Variants in TTLL5 observed in about 807,000 individuals in gnomAD.
The protein encoded by TTLL5 is tubulin polyglutamylase TTLL5.
A neutral mutation model predicts 168.4 loss-of-function variants in TTLL5; 132 were observed. The observed-to-expected ratio is 0.78, with a 90% CI of 0.68 to 0.91. The LOEUF is 0.91. TTLL5 is among the 40% of genes least tolerant of loss of function. The pLI is 0.00. For synonymous variants in TTLL5, 546 were observed against 558.6 expected, an observed-to-expected ratio of 0.98 and a Z score of 0.32; for missense variants, 1,545 against 1,581.5, an observed-to-expected ratio of 0.98 and a Z score of 0.39.
chr14:75,905,557 T>G (rs2033109054), intron 31 of TTLL5, among the ~76,000 whole-genome samples: 1 of 152,196 alleles, frequency 6.6e-6, no homozygotes, highest in African/African-American at 2.4e-5. Context: ...AGGCTTTATA[T>G]TAGTAGTTTG....
chr14:75,898,880 T>A (rs1355440610), intron 30 of TTLL5, among the ~76,000 whole-genome samples: 1 of 152,212 alleles, frequency 6.6e-6, no homozygotes, highest in Non-Finnish European at 1.5e-5. Context: ...AGGCTGCCAG[T>A]TAATTACCTT....
intron 12 of TTLL5, among the ~76,000 whole-genome samples, chr14:75,728,696 A>G (rs563684074): frequency 1.4e-5 from 2 of 144,664 alleles, no homozygotes; most frequent in South Asian, 4.4e-4. Flanking sequence ...CATCATCGTC[A>G]TATTAATTGT....
intron 9 of TTLL5, chr14:75,712,260 G>A (rs1887136166): frequency 6.6e-6 from 1 of 151,882 alleles, no homozygotes; most frequent in South Asian, 2.1e-4. Flanking sequence ...GCTGCCTGAG[G>A]TGCTGTCTCT....
chr14:75,733,955 T>C (rs1566831910), intron 13 of TTLL5, 34 bp from the exon 14 acceptor site: 1 of 1,609,402 alleles, frequency 6.2e-7, no homozygotes, highest in East Asian at 2.2e-5. Flanking sequence ...CCTACACACT[T>C]ATCAATTGCT....
chr14:75,760,825 CTT>C (rs1173949640), intron 18 of TTLL5, among the ~76,000 whole-genome samples: 1 of 152,034 alleles, frequency 6.6e-6, no homozygotes, highest in Non-Finnish European at 1.5e-5. Flanking sequence ...AACATAATAT[CTT>C]TGTGACTTTG....
intron 28 of TTLL5, among the ~76,000 whole-genome samples, chr14:75,862,173 C>A (rs1022170679): frequency 6.6e-6 from 1 of 152,184 alleles, no homozygotes; most frequent in Non-Finnish European, 1.5e-5. Flanking sequence ...ACATGTGCTG[C>A]AGCATATGTC....
At position 75,870,304 on chromosome 14, in the gene TTLL5, G is replaced by A. The variant is rs182433584; in HGVS notation, c.3522+6442G>A. On this transcript the variant is annotated intron_variant, in intron 29 of 31. Transcript: ENST00000298832. ...TCCTTTTTCTGGAGAACGGGGTCTC[G>A]CTATATTGCCCAGGCAGGTCTTGAA... Among the ~76,000 whole-genome samples, 10 of 139,028 alleles carry A rather than the reference G, an allele frequency of 7.2e-5. No individual in the cohort carries two copies. In the East Asian group the frequency reaches 1.7e-3, roughly 23 times the overall value. 91.2% of individuals were successfully genotyped at this position (139,028 alleles called of 152,430 possible).
intron 31 of TTLL5, among the ~76,000 whole-genome samples, chr14:75,937,471 T>C (rs1287964604): frequency 6.6e-6 from 1 of 152,046 alleles, no homozygotes; most frequent in Non-Finnish European, 1.5e-5. Flanking sequence ...CTCCAGAATT[T>C]TTTTCTTCTT....
chr14:75,682,161 G>T (rs1884664977), intron 4 of TTLL5, among the ~76,000 whole-genome samples: 1 of 148,676 alleles, frequency 6.7e-6, no homozygotes, highest in African/African-American at 2.5e-5. Context: ...CTGCACTCCA[G>T]CCTGGGTGAC....
chr14:75,673,826 C>T (rs531067949), intron 3 of TTLL5, among the ~76,000 whole-genome samples: 31 of 152,266 alleles, frequency 2.0e-4, no homozygotes, highest in Admixed American at 1.2e-3. Context: ...GTGTTCTAGT[C>T]ACCTCAGCAA....
At chr14:75,827,793 C>T (rs768128110) in intron 28 of TTLL5, among the ~76,000 whole-genome samples, 3 of 138,038 alleles carry the variant, frequency 2.2e-5, no homozygotes, top group Non-Finnish European at 4.6e-5. Flanking sequence ...GATCACAGCT[C>T]ACTGCAGCCT....
chr14:75,883,174 C>G (rs2031909686), intron 30 of TTLL5, among the ~76,000 whole-genome samples: 1 of 152,232 alleles, frequency 6.6e-6, no homozygotes, highest in Non-Finnish European at 1.5e-5. Flanking sequence ...ATTCAACATC[C>G]TGCTTCCCCT....
chr14:75,673,175 C>A (rs571655126), intron 3 of TTLL5, among the ~76,000 whole-genome samples: 183 of 152,168 alleles, frequency 1.2e-3, no homozygotes, highest in African/African-American at 4.3e-3. Context: ...TCTTGAACTC[C>A]TGGCCTCAAG....
chr14:75,676,886 G>T (rs1884204903), intron 3 of TTLL5, among the ~76,000 whole-genome samples: 1 of 150,304 alleles, frequency 6.7e-6, no homozygotes, highest in Admixed American at 6.7e-5. Flanking sequence ...CAACTCTCTT[G>T]CCTCAGCCTC....
At chr14:75,771,451 G>T (rs914419575) in intron 20 of TTLL5, among the ~76,000 whole-genome samples, 2 of 152,098 alleles carry the variant, frequency 1.3e-5, no homozygotes, top group African/African-American at 2.4e-5. Context: ...CAAAGAGAAG[G>T]AGTAAGAAAT....
intron 27 of TTLL5, among the ~76,000 whole-genome samples, chr14:75,815,738 T>C (rs1894354965): frequency 6.6e-6 from 1 of 152,224 alleles, no homozygotes; most frequent in African/African-American, 2.4e-5. Flanking sequence ...AGGATTGTTT[T>C]CCTACTAGTT....
intron 9 of TTLL5, 82 bp downstream of exon 9, chr14:75,707,789 A>G (rs889596374): frequency 2.6e-6 from 3 of 1,141,670 alleles, no homozygotes; most frequent in Non-Finnish European, 3.9e-6. Flanking sequence ...TAACAAGTTT[A>G]TTAAATCAGA....
chr14:75,878,332 A>G lies in TTLL5; in HGVS notation c.3523-4353A>G, dbSNP rs542769630. 1.8e-4 allele frequency among the ~76,000 whole-genome samples: 27 copies of G among 152,304 alleles called. 1 individual carries two copies. The highest frequency in any genetic ancestry group is 1.4e-3 in the Admixed American group (21 of 15,294). On this transcript the variant is annotated intron_variant, in intron 29 of 31. Coordinates refer to ENST00000298832, the MANE Select transcript of TTLL5 (RefSeq NM_015072.5). ...AGGCTCTTGCAGACTTCATGGTGCC[A>G]TCAGAAACCCATGCTCCTTCTGTCT...
chr14:75,674,138 C>G (rs2140100661), intron 3 of TTLL5, among the ~76,000 whole-genome samples: 1 of 152,272 alleles, frequency 6.6e-6, no homozygotes, highest in Admixed American at 6.5e-5. Context: ...ATCCATAAGT[C>G]TTTTTCTTTA....
Sources: gnomAD v4.1 joint callset for allele counts (sites outside exome capture counted in the v4.1 genomes callset) on GRCh38, gnomAD v4.1.1 for gene constraint, MANE v1.5 for transcripts, NCBI Gene and HGNC (gene_info 2026-07-23, HGNC 2026-07-21) for gene names.